SEMA5A: variants seen among roughly 807,000 people sequenced by gnomAD.
SEMA5A encodes the protein semaphorin-5A.
SEMA5A carries 55 observed loss-of-function variants against 135.5 expected under a neutral mutation model. The observed-to-expected ratio is 0.41, with a 90% confidence interval of 0.33 to 0.51. The LOEUF is 0.51. Ranked by LOEUF, SEMA5A falls within the 20% of genes least tolerant of loss-of-function variation. SEMA5A has a pLI of 0.37. For missense variants in SEMA5A, 1,290 were observed against 1,419.9 expected (o/e 0.91, Z 1.47); for synonymous variants, 580 against 546.5 (o/e 1.06, Z -0.85).
chr5:9,286,818 C>T (rs1291260533), intron 5 of SEMA5A, among the ~76,000 whole-genome samples: 2 of 152,174 alleles, frequency 1.3e-5, no homozygotes, highest in Non-Finnish European at 2.9e-5. Flanking sequence ...AAGTAAAGCC[C>T]ATCAGCAGAG....
intron 16 of SEMA5A, among the ~76,000 whole-genome samples, chr5:9,097,923 A>G (rs1228156342): frequency 6.6e-6 from 1 of 152,202 alleles, no homozygotes; most frequent in East Asian, 1.9e-4. Context: ...TACATCACTT[A>G]AGTTGGCTGG....
At chr5:9,056,636 C>T (rs1219219830) in intron 18 of SEMA5A, among the ~76,000 whole-genome samples, 5 of 152,172 alleles carry the variant, frequency 3.3e-5, no homozygotes, top group African/African-American at 9.7e-5. Flanking sequence ...GCAGCAGAAT[C>T]GCAGGAACCT....
At chr5:9,532,444 T>C (rs921478876) in intron 1 of SEMA5A, among the ~76,000 whole-genome samples, 5 of 77,558 alleles carry the variant, frequency 6.4e-5, no homozygotes, top group Non-Finnish European at 1.3e-4. Flanking sequence ...TTTTTTCTTT[T>C]TTTTTTTTTT....
intron 2 of SEMA5A, among the ~76,000 whole-genome samples, chr5:9,387,812 A>G (rs1755963546): frequency 6.6e-6 from 1 of 152,254 alleles, no homozygotes. Context: ...TGGGAAATAC[A>G]GTGAAATTAA....
intron 1 of SEMA5A, among the ~76,000 whole-genome samples, chr5:9,493,717 T>C (rs948536581): frequency 1.3e-5 from 2 of 152,196 alleles, no homozygotes; most frequent in Non-Finnish European, 2.9e-5. Flanking sequence ...ACTTTTCCCA[T>C]GCTATAATGT....
chr5:9,041,467 T>G lies in SEMA5A; in HGVS notation c.*1430A>C, dbSNP rs184814363. 34 of 152,300 alleles carry G rather than the reference T, an allele frequency of 2.2e-4. 1 individual carries two copies. In the East Asian group the frequency reaches 6.2e-3, roughly 28 times the overall value. The allele number at this position is 152,300 out of a possible 1,614,324, so 9.4% of individuals were successfully genotyped here. On this transcript the variant is annotated 3_prime_UTR_variant, in exon 23 of 23. Transcript: ENST00000382496. ...ACTGCCATAGGTTATGTATTGGTTG[T>G]TTGTGAGAAAATTATATATTTTTTT...
At chr5:9,252,035 C>A (rs77918493) in intron 5 of SEMA5A, among the ~76,000 whole-genome samples, 1 of 152,148 alleles carries the variant, frequency 6.6e-6, no homozygotes, top group Non-Finnish European at 1.5e-5. Context: ...AACCCACGTG[C>A]GATGGACTCT....
intron 16 of SEMA5A, among the ~76,000 whole-genome samples, chr5:9,071,544 A>T (rs972397939): frequency 6.6e-6 from 1 of 152,244 alleles, no homozygotes; most frequent in Non-Finnish European, 1.5e-5. Context: ...GTCTACTGAG[A>T]TGAAATTTGC....
intron 5 of SEMA5A, among the ~76,000 whole-genome samples, chr5:9,303,119 AT>A (rs527501004): frequency 0.06 from 8,582 of 142,752 alleles, 236 homozygotes; most frequent in African/African-American, 0.078. Context: ...TATATATATA[AT>A]TTTTTTTTTT....
chr5:9,067,895 C>T (rs577928750), intron 16 of SEMA5A, among the ~76,000 whole-genome samples: 103 of 152,200 alleles, frequency 6.8e-4, no homozygotes, highest in Middle Eastern at 3.4e-3. Flanking sequence ...TCAACCTTAT[C>T]TTTCAAAATG....
At chr5:9,105,251 G>C (rs1481583854) in intron 16 of SEMA5A, among the ~76,000 whole-genome samples, 1 of 152,180 alleles carries the variant, frequency 6.6e-6, no homozygotes. Context: ...CCTCTTTATT[G>C]AGATTCAAAT....
intron 16 of SEMA5A, among the ~76,000 whole-genome samples, chr5:9,076,603 T>A (rs1738073191): frequency 6.6e-6 from 1 of 152,184 alleles, no homozygotes; most frequent in South Asian, 2.1e-4. Flanking sequence ...ATATTTCATG[T>A]GTACACTACA....
intron 1 of SEMA5A, among the ~76,000 whole-genome samples, chr5:9,537,614 T>C (rs1422767805): frequency 6.6e-6 from 1 of 152,196 alleles, no homozygotes; most frequent in Non-Finnish European, 1.5e-5. Flanking sequence ...GTTCTGTAAA[T>C]GTTACTCTTA....
chr5:9,294,146 C>T (rs1751217846), intron 5 of SEMA5A, among the ~76,000 whole-genome samples: 1 of 152,162 alleles, frequency 6.6e-6, no homozygotes, highest in East Asian at 1.9e-4. Flanking sequence ...ATCTTGTCTC[C>T]CTGTCTTTGA....
intron 1 of SEMA5A, among the ~76,000 whole-genome samples, chr5:9,544,213 C>A (rs1350655203): frequency 6.6e-6 from 1 of 152,082 alleles, no homozygotes. Flanking sequence ...TAAAACTTGT[C>A]TTTCTTCAAA....
At chr5:9,047,549 G>A (rs1434842931) in intron 21 of SEMA5A, among the ~76,000 whole-genome samples, 2 of 152,112 alleles carry the variant, frequency 1.3e-5, no homozygotes, top group Non-Finnish European at 2.9e-5. Flanking sequence ...ATGATTTTCT[G>A]CTGTTGATTT....
At position 9,287,427 on chromosome 5, in the gene SEMA5A, G is replaced by C. The variant is rs367926376; in HGVS notation, c.270+30945C>G. 1.7e-3 allele frequency among the ~76,000 whole-genome samples: 264 copies of C among 152,062 alleles called. 2 individuals are homozygous for C. The highest frequency in any genetic ancestry group is 6.1e-3 in the African/African-American group (251 of 41,458). On this transcript the variant is annotated intron_variant, in intron 5 of 22. Coordinates refer to ENST00000382496, the MANE Select transcript of SEMA5A (RefSeq NM_003966.3). Reference sequence around the variant, plus strand: ...AAAGCTGAGTATTTCTTTGTACATTGCAATTATTTTTAGAGGAACGTAACT... The same window carrying C: ...AAAGCTGAGTATTTCTTTGTACATTCCAATTATTTTTAGAGGAACGTAACT...
intron 2 of SEMA5A, among the ~76,000 whole-genome samples, chr5:9,435,152 G>A (rs2126665928): frequency 6.6e-6 from 1 of 152,214 alleles, no homozygotes. Context: ...CATAATAAAA[G>A]AGGGATATTC....
chr5:9,366,889 A>G (rs1327242227), intron 3 of SEMA5A, among the ~76,000 whole-genome samples: 1 of 152,198 alleles, frequency 6.6e-6, no homozygotes, highest in Non-Finnish European at 1.5e-5. Flanking sequence ...ATGAAAATGG[A>G]ACACAATAGA....
Sources: allele counts gnomAD v4.1 joint callset (sites outside exome capture counted in the v4.1 genomes callset), GRCh38; gene constraint gnomAD v4.1.1; transcripts MANE v1.5; gene names NCBI Gene and HGNC (gene_info 2026-07-23, HGNC 2026-07-21).